The following MGAT4C variants were observed in gnomAD, a reference collection of about 807,000 sequenced individuals.
The protein encoded by MGAT4C is alpha-1,3-mannosyl-glycoprotein 4-beta-N-acetylglucosaminyltransferase C.
Under a neutral mutation model 40.1 loss-of-function variants are expected in MGAT4C, and 19 were observed. The ratio of observed to expected loss-of-function variants is 0.47; its 90% CI spans 0.33 to 0.70. The LOEUF (loss-of-function observed/expected upper bound fraction) is 0.70. Among genes scored for constraint, MGAT4C ranks in the 30% least tolerant of loss-of-function variants. MGAT4C has a pLI of 0.02. For missense variants in MGAT4C, 491 were observed against 563.2 expected, an observed-to-expected ratio of 0.87 and a Z score of 1.30; for synonymous variants, 181 against 187.1, an observed-to-expected ratio of 0.97 and a Z score of 0.27.
At chr12:86,835,405 G>A (rs1953017196) in intron 1 of MGAT4C, among the ~76,000 whole-genome samples, 1 of 151,794 alleles carries the variant, frequency 6.6e-6, no homozygotes, top group African/African-American at 2.4e-5. Context: ...TTTAATAAAG[G>A]TCTTCATATA....
At chr12:86,522,003 C>A (rs1157388489) in intron 2 of MGAT4C, among the ~76,000 whole-genome samples, 1 of 152,050 alleles carries the variant, frequency 6.6e-6, no homozygotes, top group African/African-American at 2.4e-5. Flanking sequence ...AGATTTGGGG[C>A]TGAGACTATG....
intron 1 of MGAT4C, among the ~76,000 whole-genome samples, chr12:86,052,495 C>G (rs906477021): frequency 3.9e-5 from 6 of 151,918 alleles, no homozygotes; most frequent in African/African-American, 1.4e-4. Flanking sequence ...ATTGTATGTT[C>G]TATTAAATAA....
intron 2 of MGAT4C, among the ~76,000 whole-genome samples, chr12:86,552,042 A>AAAGC (rs1259033894): frequency 2.0e-5 from 3 of 149,994 alleles, no homozygotes; most frequent in African/African-American, 7.4e-5. Flanking sequence ...AAAAAAAAAA[A>AAAGC]CCAAAAAACA....
Position 86,647,022 on chromosome 12 carries a change from A to G in MGAT4C, c.-229+80187T>C, listed in dbSNP as rs188410615. On this transcript the variant is annotated intron_variant, in intron 2 of 7. Transcript: ENST00000548651. The stretch of plus-strand genomic sequence containing the variant: ...TGCTTGGCCAGTCTTGCTGTTGACA[A>G]CGTTGGACTATCACGTAATGAAGCC... 3.9e-5 allele frequency among the ~76,000 whole-genome samples: 6 copies of G among 151,942 alleles called. No individual in the cohort carries two copies. The East Asian group carries it at 1.2e-3, about 30-fold the overall frequency.
At chr12:86,292,295 A>T (rs945020638) in intron 4 of MGAT4C, among the ~76,000 whole-genome samples, 10 of 151,946 alleles carry the variant, frequency 6.6e-5, no homozygotes, top group South Asian at 2.1e-4. Flanking sequence ...ATATTTTTTT[A>T]AAATATCATA....
chr12:86,337,123 T>C (rs1954806512), intron 3 of MGAT4C, among the ~76,000 whole-genome samples: 2 of 151,952 alleles, frequency 1.3e-5, no homozygotes, highest in South Asian at 4.1e-4. Flanking sequence ...TCGATGATGA[T>C]GATGATGTGG....
intron 3 of MGAT4C, among the ~76,000 whole-genome samples, chr12:86,365,103 C>A (rs979842867): frequency 6.6e-6 from 1 of 152,090 alleles, no homozygotes; most frequent in East Asian, 1.9e-4. Flanking sequence ...AAGACGGCCG[C>A]CCCCTGAAGT....
At chr12:86,440,830 A>T (rs1957214659) in intron 2 of MGAT4C, among the ~76,000 whole-genome samples, 2 of 152,240 alleles carry the variant, frequency 1.3e-5, no homozygotes, top group South Asian at 2.1e-4. Context: ...ATATGCCAAT[A>T]ACAACCAAGC....
intron 3 of MGAT4C, among the ~76,000 whole-genome samples, chr12:86,370,891 C>T (rs183516464): frequency 1.3e-5 from 2 of 152,118 alleles, no homozygotes; most frequent in African/African-American, 4.8e-5. Context: ...TAAAAATTTG[C>T]TCCTTTAGTG....
chr12:86,401,833 T>C (rs1046206876), intron 3 of MGAT4C, among the ~76,000 whole-genome samples: 2 of 152,050 alleles, frequency 1.3e-5, no homozygotes, highest in Admixed American at 1.3e-4. Context: ...ACATGAAACA[T>C]GAAAAATAGT....
intron 2 of MGAT4C, among the ~76,000 whole-genome samples, chr12:86,640,384 T>C (rs949030249): frequency 6.6e-6 from 1 of 151,910 alleles, no homozygotes; most frequent in East Asian, 1.9e-4. Flanking sequence ...GAACTCCTAA[T>C]ACAAATGGAA....
rs143275881 is a variant in MGAT4C, at chr12:86,071,659, C to T, written c.-56-21936G>A. On this transcript the variant is annotated intron_variant, in intron 1 of 4. Coordinates refer to ENST00000611864, the MANE Select transcript of MGAT4C (RefSeq NM_001351288.2). ...TATGGTAGCAATACTACTTACTATG[C>T]GTCATAGCTTTACATATTTTAAATC... Among the ~76,000 whole-genome samples the T allele has an allele frequency of 7.5e-3, 1,135 of 152,116 alleles. 9 individuals carry two copies. Among genetic ancestry groups the T allele is most frequent in the Non-Finnish European group, 0.011 (770 of 67,944 alleles).
intron 1 of MGAT4C, among the ~76,000 whole-genome samples, chr12:86,831,999 T>C (rs911310308): frequency 4.0e-5 from 6 of 151,834 alleles, no homozygotes; most frequent in African/African-American, 1.4e-4. Context: ...CAACTGTACT[T>C]AACATTGCAT....
rs1381316287 is a variant in MGAT4C, at chr12:86,516,039, C to G, written c.-228-80774G>C. On this transcript the variant is annotated intron_variant, in intron 2 of 7. Transcript: ENST00000548651. ...GATTACAGGTGTGAGCCATCGCGCC[C>G]GGCCCATTTAAAGCAATTCTTATCA... Among the ~76,000 whole-genome samples, 4 of 151,874 alleles carry G rather than the reference C, an allele frequency of 2.6e-5. No homozygotes were observed. The East Asian group carries it at 5.8e-4, about 22-fold the overall frequency.
At chr12:86,442,771 C>CAAA (rs34962466) in intron 2 of MGAT4C, among the ~76,000 whole-genome samples, 2 of 137,852 alleles carry the variant, frequency 1.5e-5, no homozygotes, top group Non-Finnish European at 1.6e-5. Context: ...AACTCTGTCT[C>CAAA]AAAAAAAAAA....
intron 1 of MGAT4C, among the ~76,000 whole-genome samples, chr12:86,117,032 C>A (rs893492174): frequency 2.0e-5 from 3 of 151,974 alleles, no homozygotes; most frequent in African/African-American, 7.2e-5. Context: ...TTCTGAGACG[C>A]TATATTTGAT....
At chr12:86,306,630 C>A (rs935081444) in intron 4 of MGAT4C, among the ~76,000 whole-genome samples, 2 of 150,424 alleles carry the variant, frequency 1.3e-5, no homozygotes, top group Admixed American at 1.3e-4. Context: ...TTGGATTGAA[C>A]AGGCATATGC....
chr12:86,788,450 C>T (rs778329897), intron 1 of MGAT4C, among the ~76,000 whole-genome samples: 19 of 152,040 alleles, frequency 1.2e-4, no homozygotes, highest in Non-Finnish European at 2.4e-4. Flanking sequence ...ATTACAATGA[C>T]ATCAACAGAT....
chr12:86,654,948 A>C (rs909019036), intron 2 of MGAT4C, among the ~76,000 whole-genome samples: 3 of 152,072 alleles, frequency 2.0e-5, no homozygotes, highest in Admixed American at 2.0e-4. Flanking sequence ...AACATGAGTA[A>C]AAATTTGCAT....
Sources: allele counts gnomAD v4.1 joint callset (sites outside exome capture counted in the v4.1 genomes callset), GRCh38; gene constraint gnomAD v4.1.1; transcripts MANE v1.5; gene names NCBI Gene and HGNC (gene_info 2026-07-23, HGNC 2026-07-21).